PRKG1: variants seen among roughly 807,000 people sequenced by gnomAD.
PRKG1 encodes the protein protein kinase cGMP-dependent 1.
Under a neutral mutation model 88.1 loss-of-function variants are expected in PRKG1, and 35 were observed. The ratio of observed to expected loss-of-function variants is 0.40; its 90% CI spans 0.30 to 0.53. PRKG1 has a LOEUF of 0.53. Among genes scored for constraint, PRKG1 ranks in the 20% least tolerant of loss-of-function variants. The probability of loss-of-function intolerance (pLI) is 0.59; values close to 1 mark genes in which losing one functional copy is unlikely to be tolerated. For synonymous variants in PRKG1, 303 were observed against 292.5 expected (o/e 1.04, Z -0.37); for missense variants, 540 against 839.8 (o/e 0.64, Z 4.41).
At chr10:51,398,979 C>A (rs1837655864) in intron 2 of PRKG1, among the ~76,000 whole-genome samples, 1 of 152,156 alleles carries the variant, frequency 6.6e-6, no homozygotes, top group African/African-American at 2.4e-5. Flanking sequence ...GTTCTCAAGC[C>A]TTGGATTCAG....
chr10:51,369,685 T>C (rs1256822194), intron 2 of PRKG1, among the ~76,000 whole-genome samples: 1 of 152,112 alleles, frequency 6.6e-6, no homozygotes, highest in African/African-American at 2.4e-5. Context: ...CATCACACTA[T>C]CCAATTAATA....
In PRKG1 at chr10:51,256,778, G is replaced by A. The variant is rs755651906; in HGVS notation, c.478+103448G>A. ...CAGTGGGAGTAGAAAAAATGAAATC[G>A]GGGAACTAGAAAGTGAGGGAGATGG... On this transcript the variant is annotated intron_variant, in intron 2 of 17. Transcript: ENST00000373980. 3.0e-4 allele frequency among the ~76,000 whole-genome samples: 45 copies of A among 152,166 alleles called. 1 individual carries two copies. Among genetic ancestry groups the A allele is most frequent in the African/African-American group, 7.7e-4 (32 of 41,522 alleles).
chr10:51,551,841 A>G (rs1837146814), intron 3 of PRKG1, among the ~76,000 whole-genome samples: 1 of 151,782 alleles, frequency 6.6e-6, no homozygotes, highest in Admixed American at 6.6e-5. Flanking sequence ...GGAGAAGACT[A>G]ACCATAGTAA....
At chr10:52,163,203 G>C (rs941946870) in intron 9 of PRKG1, among the ~76,000 whole-genome samples, 1 of 149,768 alleles carries the variant, frequency 6.7e-6, no homozygotes, top group Non-Finnish European at 1.5e-5. Flanking sequence ...TATAATTTAT[G>C]TCAGCTTATC....
chr10:51,222,882 G>A (rs933458410), intron 2 of PRKG1, among the ~76,000 whole-genome samples: 6 of 151,798 alleles, frequency 4.0e-5, no homozygotes, highest in Non-Finnish European at 7.4e-5. Flanking sequence ...TATATGTAAG[G>A]TATACATATG....
At chr10:51,493,220 A>G (rs1264161571) in intron 3 of PRKG1, among the ~76,000 whole-genome samples, 1 of 152,204 alleles carries the variant, frequency 6.6e-6, no homozygotes, top group East Asian at 1.9e-4. Flanking sequence ...AAAAAGGATT[A>G]GCAATTTTTT....
intron 9 of PRKG1, among the ~76,000 whole-genome samples, chr10:52,221,881 T>C (rs1840254033): frequency 6.6e-6 from 1 of 152,164 alleles, no homozygotes; most frequent in African/African-American, 2.4e-5. Flanking sequence ...TTAAGGGAGA[T>C]ATTTGGGCTA....
At chr10:51,880,434 A>T (rs1841408733) in intron 4 of PRKG1, among the ~76,000 whole-genome samples, 1 of 152,110 alleles carries the variant, frequency 6.6e-6, no homozygotes, top group African/African-American at 2.4e-5. Flanking sequence ...TCCTGAGTAC[A>T]CTTCATTGAA....
At chr10:51,506,450 GA>G (rs1196518464) in intron 3 of PRKG1, among the ~76,000 whole-genome samples, 2 of 152,036 alleles carry the variant, frequency 1.3e-5, no homozygotes, top group Non-Finnish European at 2.9e-5. Flanking sequence ...AACTCAAACA[GA>G]TTTACAAGAA....
At chr10:51,412,641 C>T (rs1838126507) in intron 2 of PRKG1, among the ~76,000 whole-genome samples, 1 of 152,096 alleles carries the variant, frequency 6.6e-6, no homozygotes, top group African/African-American at 2.4e-5. Flanking sequence ...AAGACTCTGT[C>T]TCAAACAATA....
In PRKG1 at chr10:51,171,217, G is replaced by T. The variant is rs1904675; in HGVS notation, c.478+17887G>T. On this transcript the variant is annotated intron_variant, in intron 2 of 17. Coordinates refer to ENST00000373980, the MANE Select transcript of PRKG1 (RefSeq NM_006258.4). ...TGGAGTAATGGAGTGGCCTTTTACAGAAATTGAGAAGACTAACTGACAAAA... is the reference window on the plus strand; with the variant it reads ...TGGAGTAATGGAGTGGCCTTTTACATAAATTGAGAAGACTAACTGACAAAA... Among the ~76,000 whole-genome samples, 1,424 of 152,240 alleles carry T rather than the reference G, an allele frequency of 9.4e-3. 32 individuals carry two copies. Among genetic ancestry groups the T allele is most frequent in the African/African-American group, 0.032 (1,342 of 41,548 alleles).
chr10:51,619,057 G>A (rs550425929), intron 3 of PRKG1, among the ~76,000 whole-genome samples: 89 of 151,604 alleles, frequency 5.9e-4, no homozygotes, highest in South Asian at 1.5e-3. Context: ...GATTACAGGC[G>A]TAAGCCACCA....
chr10:51,835,713 T>C (rs1207075664), intron 4 of PRKG1, among the ~76,000 whole-genome samples: 1 of 152,248 alleles, frequency 6.6e-6, no homozygotes, highest in Non-Finnish European at 1.5e-5. Context: ...GACATACATC[T>C]ATTTGTCATA....
At chr10:51,544,577 G>A (rs1842399312) in intron 3 of PRKG1, among the ~76,000 whole-genome samples, 1 of 152,012 alleles carries the variant, frequency 6.6e-6, no homozygotes, top group South Asian at 2.1e-4. Flanking sequence ...ACCCAGTAAT[G>A]GGATGGCTGG....
At position 51,904,211 on chromosome 10, in the gene PRKG1, G is replaced by A. The variant is rs188728468; in HGVS notation, c.699-3296G>A. Among the ~76,000 whole-genome samples the A allele has an allele frequency of 2.1e-4, 32 of 152,144 alleles. No individual in the cohort carries two copies. The East Asian group carries it at 5.0e-3, about 24-fold the overall frequency. On this transcript the variant is annotated intron_variant, in intron 4 of 17. Transcript: ENST00000373980. ...CATCTGTAAGAATTACTCATAATTA[G>A]CATGTAAATTGTTACAATAAATTAT...
intron 1 of PRKG1, among the ~76,000 whole-genome samples, chr10:51,151,645 A>AC (rs568308866): frequency 3.6e-4 from 55 of 151,930 alleles, no homozygotes; most frequent in African/African-American, 1.3e-3. Context: ...ATTTTCACTT[A>AC]AAAATAATAG....
chr10:51,334,159 TCTCTCTC>T (rs1841811726), intron 2 of PRKG1, among the ~76,000 whole-genome samples: 1 of 38,060 alleles, frequency 2.6e-5, no homozygotes, highest in Admixed American at 2.4e-4. Flanking sequence ...TCTTTCTCTC[TCTCTCTC>T]TCTCTCTCTC....
intron 2 of PRKG1, among the ~76,000 whole-genome samples, chr10:51,284,599 A>G (rs1381054750): frequency 6.6e-6 from 1 of 152,214 alleles, no homozygotes; most frequent in African/African-American, 2.4e-5. Flanking sequence ...GCAAATAAAA[A>G]AGTCTATAGT....
At chr10:52,091,527 A>G (rs12219130) in intron 7 of PRKG1, among the ~76,000 whole-genome samples, 8,328 of 152,230 alleles carry the variant, frequency 0.055, 511 homozygotes, top group East Asian at 0.34. Flanking sequence ...TCTAATCTTT[A>G]CAGTTATGTC....
Sources: gnomAD v4.1 joint callset for allele counts (sites outside exome capture counted in the v4.1 genomes callset) on GRCh38, gnomAD v4.1.1 for gene constraint, MANE v1.5 for transcripts, NCBI Gene and HGNC (gene_info 2026-07-23, HGNC 2026-07-21) for gene names.